Variants in PLXNC1 observed in about 807,000 individuals in gnomAD.
PLXNC1 encodes the protein plexin-C1.
A neutral mutation model predicts 178.2 loss-of-function variants in PLXNC1; 75 were observed. That is an observed-to-expected ratio of 0.42 (90% CI 0.35 to 0.51). The LOEUF (loss-of-function observed/expected upper bound fraction) is 0.51. Ranked by LOEUF, PLXNC1 falls within the 20% of genes least tolerant of loss-of-function variation. The pLI, the probability that PLXNC1 is intolerant of heterozygous loss-of-function variation, is 0.02. For missense variants in PLXNC1, 1,503 were observed against 1,984.4 expected (o/e 0.76, Z 4.61); for synonymous variants, 790 against 779.9 (o/e 1.01, Z -0.22).
intron 23 of PLXNC1, among the ~76,000 whole-genome samples, chr12:94,294,215 T>G (rs965375862): frequency 6.6e-6 from 1 of 152,204 alleles, no homozygotes; most frequent in African/African-American, 2.4e-5. Flanking sequence ...CACAGGGTCC[T>G]GGCCTCCACC....
At chr12:94,156,473 C>A (rs1369988344) in intron 1 of PLXNC1, among the ~76,000 whole-genome samples, 2 of 98,846 alleles carry the variant, frequency 2.0e-5, no homozygotes, top group African/African-American at 7.2e-5. Flanking sequence ...TCCCCACTGT[C>A]TATCTTTTTT....
rs548336815 is a variant in PLXNC1 at position 94,227,234 on chromosome 12, A to T, written c.1979A>T (p.Gln660Leu). The part of the protein sequence containing the change: ...NKGNRTNQAL[Q>L]VFYIKSIEPQ... ...GGGAACAGAACCAACCAGGCTTTAC[A>T]GGTCAGACCCTATTTTTGTGTGGTT... Residue 660 changes from glutamine to leucine, a missense_variant and splice_region_variant, in exon 9 of 31, where the codon CAG (glutamine) becomes CTG (leucine). Transcript: ENST00000258526. The T allele has an allele frequency of 6.3e-7, 1 of 1,594,576 alleles. No homozygotes were observed. The highest frequency in any genetic ancestry group is 8.6e-7 in the Non-Finnish European group (1 of 1,162,318).
intron 5 of PLXNC1, among the ~76,000 whole-genome samples, chr12:94,215,556 T>TGATAGATAGATAGATAGATAGATA (rs3032367): frequency 6.7e-6 from 1 of 149,222 alleles, no homozygotes; most frequent in Non-Finnish European, 1.5e-5. Flanking sequence ...CAAACATAGA[T>TGATAGATAGATAGATAGATAGATA]GATAGATAGA....
At chr12:94,191,184 A>G (rs1009996609) in intron 4 of PLXNC1, among the ~76,000 whole-genome samples, 1 of 152,216 alleles carries the variant, frequency 6.6e-6, no homozygotes, top group Non-Finnish European at 1.5e-5. Context: ...CTTCACAGCC[A>G]TGTCAGAAAC....
At chr12:94,229,187 G>A (rs1044161389) in intron 9 of PLXNC1, among the ~76,000 whole-genome samples, 2 of 152,086 alleles carry the variant, frequency 1.3e-5, no homozygotes, top group African/African-American at 2.4e-5. Flanking sequence ...TATGCTTGCT[G>A]GCCATTTGTA....
intron 11 of PLXNC1, among the ~76,000 whole-genome samples, chr12:94,240,937 T>C (rs1472432653): frequency 1.3e-5 from 2 of 152,174 alleles, no homozygotes; most frequent in African/African-American, 4.8e-5. Flanking sequence ...GATATAGATA[T>C]ATGACACTCT....
At chr12:94,187,958 G>C (rs1962582411) in intron 4 of PLXNC1, among the ~76,000 whole-genome samples, 1 of 152,022 alleles carries the variant, frequency 6.6e-6, no homozygotes, top group South Asian at 2.1e-4. Context: ...AGGGGTTGGG[G>C]AGAAGGAGGG....
chr12:94,257,638 TGGC>T, intron 17 of PLXNC1, among the ~76,000 whole-genome samples: 1 of 152,296 alleles, frequency 6.6e-6, no homozygotes, highest in Admixed American at 6.5e-5. Flanking sequence ...CCAGGCATGG[TGGC>T]GTGCACCTGT....
intron 9 of PLXNC1, among the ~76,000 whole-genome samples, chr12:94,236,917 T>A (rs7965759): frequency 0.075 from 11,473 of 152,166 alleles, 631 homozygotes; most frequent in African/African-American, 0.15. Context: ...GCTTTTTTTT[T>A]AAAGGGAGAA....
chr12:94,298,535 T>A, intron 26 of PLXNC1, 97 bp from the exon 27 acceptor site: 1 of 1,027,762 alleles, frequency 9.7e-7, no homozygotes, highest in South Asian at 1.7e-5. Flanking sequence ...GTTTTGAACA[T>A]TATTTTCTCT....
chr12:94,246,010 G>A (rs868250259), intron 12 of PLXNC1, among the ~76,000 whole-genome samples: 4 of 152,194 alleles, frequency 2.6e-5, no homozygotes, highest in Non-Finnish European at 5.9e-5. Flanking sequence ...AAGAGACTAT[G>A]CAGAAAGCAG....
intron 11 of PLXNC1, among the ~76,000 whole-genome samples, chr12:94,243,161 C>T (rs909716634): frequency 1.3e-5 from 2 of 152,258 alleles, no homozygotes; most frequent in African/African-American, 4.8e-5. Context: ...TGTCTTCTCT[C>T]TGCCCTACAC....
chr12:94,203,891 G>A (rs187870564), intron 4 of PLXNC1, among the ~76,000 whole-genome samples: 50 of 152,310 alleles, frequency 3.3e-4, no homozygotes, highest in Admixed American at 1.0e-3. Context: ...AGGTCATGAG[G>A]GCTCTGCCTT....
In PLXNC1 at chr12:94,204,389, T is replaced by C. The variant is rs142268452; in HGVS notation, c.1440-5201T>C. The stretch of plus-strand genomic sequence containing the variant: ...AGGTTTGTTGTGAATAATAAATGAA[T>C]CAAATCATGTGAAAAGACATCGCCT... On this transcript the variant is annotated intron_variant, in intron 4 of 30. Coordinates refer to ENST00000258526, the MANE Select transcript of PLXNC1 (RefSeq NM_005761.3). Among the ~76,000 whole-genome samples, 29 of 152,362 alleles carry C rather than the reference T, an allele frequency of 1.9e-4. No individual in the cohort carries two copies. The East Asian group carries it at 4.0e-3, about 21-fold the overall frequency.
chr12:94,226,777 AT>A, intron 8 of PLXNC1, 70 bp downstream of exon 8: 1 of 1,131,800 alleles, frequency 8.8e-7, no homozygotes, highest in Non-Finnish European at 1.3e-6. Context: ...CAATCCCAGC[AT>A]TTTGGGAGGT....
intron 23 of PLXNC1, among the ~76,000 whole-genome samples, chr12:94,283,509 T>G (rs1966605087): frequency 6.6e-6 from 1 of 152,204 alleles, no homozygotes; most frequent in Non-Finnish European, 1.5e-5. Context: ...AGAGCTGATT[T>G]ATCAAGACAG....
intron 23 of PLXNC1, among the ~76,000 whole-genome samples, chr12:94,290,555 T>C (rs942056618): frequency 6.6e-6 from 1 of 152,086 alleles, no homozygotes; most frequent in African/African-American, 2.4e-5. Context: ...ACACCAGCAG[T>C]TGGAGGCCTC....
chr12:94,256,851 A>G (rs1230911482), intron 17 of PLXNC1, among the ~76,000 whole-genome samples: 1 of 151,718 alleles, frequency 6.6e-6, no homozygotes, highest in Non-Finnish European at 1.5e-5. Flanking sequence ...TTCCAAAAAA[A>G]AAAAAAAAAA....
At chr12:94,298,535 T>C (rs1968156176) in intron 26 of PLXNC1, 97 bp from the exon 27 acceptor site, 3 of 1,027,646 alleles carry the variant, frequency 2.9e-6, no homozygotes, top group Admixed American at 2.8e-5. Flanking sequence ...GTTTTGAACA[T>C]TATTTTCTCT....
Sources: allele counts gnomAD v4.1 joint callset (sites outside exome capture counted in the v4.1 genomes callset), GRCh38; gene constraint gnomAD v4.1.1; transcripts MANE v1.5; gene names NCBI Gene and HGNC (gene_info 2026-07-23, HGNC 2026-07-21).